PDE8A: variants seen among roughly 807,000 people sequenced by gnomAD.
PDE8A encodes the protein high affinity cAMP-specific and IBMX-insensitive 3',5'-cyclic phosphodiesterase 8A.
In PDE8A, 59 loss-of-function variants were observed where a neutral mutation model predicts 105.0. That is an observed-to-expected ratio of 0.56 (90% CI 0.46 to 0.70). The LOEUF (loss-of-function observed/expected upper bound fraction) is 0.70. Ranked by LOEUF, PDE8A falls within the 30% of genes least tolerant of loss-of-function variation. The pLI, the probability that PDE8A is intolerant of heterozygous loss-of-function variation, is 0.00. For synonymous variants in PDE8A, 355 were observed against 371.9 expected, an observed-to-expected ratio of 0.95 and a Z score of 0.52; for missense variants, 1,014 against 1,045.9, an observed-to-expected ratio of 0.97 and a Z score of 0.42.
At position 85,123,177 on chromosome 15, in the gene PDE8A, C is replaced by A; in HGVS notation, c.2069C>A (p.Thr690Lys). The change falls in exon 19 of 22, where the codon ACA (threonine) becomes AAA (lysine). Residue 690 changes from threonine (T) to lysine (K), a missense_variant. Transcript: ENST00000394553. Reference protein sequence around the residue: ...FVNSINKPLATLEENGETDKN... With the variant: ...FVNSINKPLAKLEENGETDKN... Reference sequence around the variant, plus strand: ...AACAGCATCAACAAACCCTTGGCAACACTAGAAGAAAATGGGGTAAGGGAA... The same window carrying A: ...AACAGCATCAACAAACCCTTGGCAAAACTAGAAGAAAATGGGGTAAGGGAA... The A allele has an allele frequency of 6.2e-7, 1 of 1,614,000 alleles. No individual in the cohort carries two copies. Among genetic ancestry groups the A allele is most frequent in the Non-Finnish European group, 8.5e-7 (1 of 1,179,938 alleles).
At chr15:84,988,413 C>T (rs914567024) in intron 1 of PDE8A, among the ~76,000 whole-genome samples, 1 of 152,188 alleles carries the variant, frequency 6.6e-6, no homozygotes, top group Non-Finnish European at 1.5e-5. Flanking sequence ...ACCTTAGGTT[C>T]CTGTGTTTGA....
At chr15:84,992,391 G>A (rs1264639447) in intron 1 of PDE8A, among the ~76,000 whole-genome samples, 1 of 152,166 alleles carries the variant, frequency 6.6e-6, no homozygotes, top group Admixed American at 6.5e-5. Context: ...TTGGGTGCAT[G>A]TTCCAATTAT....
chr15:85,081,440 C>G (rs1337474696), intron 5 of PDE8A, among the ~76,000 whole-genome samples: 1 of 152,154 alleles, frequency 6.6e-6, no homozygotes, highest in Non-Finnish European at 1.5e-5. Context: ...GAGTTGAGAA[C>G]CACTGGGAGA....
chr15:85,077,324 GT>G (rs1371523103), intron 5 of PDE8A, among the ~76,000 whole-genome samples: 2 of 152,124 alleles, frequency 1.3e-5, no homozygotes, highest in Admixed American at 1.3e-4. Context: ...AAGCCAAAAG[GT>G]TGCTTGGGGC....
chr15:84,999,049 G>C (rs1175712232), intron 1 of PDE8A, among the ~76,000 whole-genome samples: 1 of 149,832 alleles, frequency 6.7e-6, no homozygotes, highest in East Asian at 2.0e-4. Flanking sequence ...CTCCATAGTA[G>C]GTATTCTCTT....
Position 85,109,080 on chromosome 15 carries a change from G to C in PDE8A, c.1064G>C (p.Arg355Thr). The C allele has an allele frequency of 6.2e-7, 1 of 1,610,854 alleles. No individual in the cohort carries two copies. Among genetic ancestry groups the C allele is most frequent in the Non-Finnish European group, 8.5e-7 (1 of 1,177,496 alleles). Residue 355 changes from arginine (R) to threonine (T), a missense_variant, in exon 12 of 22, where the codon AGG becomes ACG. Coordinates refer to ENST00000394553, the MANE Select transcript of PDE8A (RefSeq NM_002605.3). ...AATCAGACAGGCAAACATAAAGACA[G>C]GAGAAAAGGCTCACTAGACGTCAAA... is the stretch of plus-strand genomic sequence containing the variant. Reference protein sequence around the residue: ...TDNQTGKHKDRRKGSLDVKAV... With the variant: ...TDNQTGKHKDTRKGSLDVKAV...
In PDE8A at chr15:85,121,024, A is replaced by T. The variant is rs998212522; in HGVS notation, c.1952+10A>T. The T allele has an allele frequency of 6.5e-7, 1 of 1,535,178 alleles. No homozygotes were observed. Among genetic ancestry groups the T allele is most frequent in the African/African-American group, 1.4e-5 (1 of 73,312 alleles). ...TTAAAAACATGGAGAGGTAAGAACAATGATTGGGAAGTGTGTTGATCCCTC... is the reference window on the plus strand; with the variant it reads ...TTAAAAACATGGAGAGGTAAGAACATTGATTGGGAAGTGTGTTGATCCCTC... On this transcript the variant is annotated intron_variant, in intron 18 of 21. Coordinates refer to ENST00000394553, the MANE Select transcript of PDE8A (RefSeq NM_002605.3).
chr15:85,051,974 C>T (rs1284004629), intron 1 of PDE8A, among the ~76,000 whole-genome samples: 3 of 151,438 alleles, frequency 2.0e-5, no homozygotes, highest in African/African-American at 7.3e-5. Context: ...CCTCCCCCCT[C>T]CCCACACCCC....
chr15:85,071,083 C>G lies in PDE8A; in HGVS notation c.434+3879C>G, dbSNP rs16974781. On this transcript the variant is annotated intron_variant, in intron 3 of 21. Transcript: ENST00000394553. ...CAAAGATAAGATGATAGGTCAGAAG[C>G]TGAGAGAACAGAAAAGGATAGGAAT... Among the ~76,000 whole-genome samples the G allele has an allele frequency of 4.6e-5, 7 of 152,184 alleles. No individual in the cohort carries two copies. In the East Asian group the frequency reaches 9.6e-4, roughly 21 times the overall value.
chr15:85,120,638 G>C lies in PDE8A; in HGVS notation c.1735-159G>C, dbSNP rs16974898. Reference sequence around the variant, plus strand: ...AATATGCAGAAATATAACTGTTTCAGGGTGGAGATAGGAAAACTAGATTTG... The same window carrying C: ...AATATGCAGAAATATAACTGTTTCACGGTGGAGATAGGAAAACTAGATTTG... On this transcript the variant is annotated intron_variant, in intron 17 of 21. Transcript: ENST00000394553. 3.2e-3 allele frequency: 1,836 copies of C among 576,712 alleles called. 27 individuals carry two copies. The highest frequency in any genetic ancestry group is 0.031 in the African/African-American group (1,649 of 53,884). The allele number at this position is 576,712 out of a possible 1,614,324, so 35.7% of individuals were successfully genotyped here.
intron 8 of PDE8A, among the ~76,000 whole-genome samples, chr15:85,094,659 A>G (rs1054873985): frequency 5.9e-5 from 9 of 152,134 alleles, no homozygotes; most frequent in African/African-American, 2.2e-4. Context: ...GATTCCTGAA[A>G]TGGTTTTGAT....
intron 1 of PDE8A, among the ~76,000 whole-genome samples, chr15:85,053,326 A>G (rs2081006561): frequency 6.6e-6 from 1 of 152,158 alleles, no homozygotes; most frequent in Non-Finnish European, 1.5e-5. Context: ...TTCCATATGA[A>G]CTTTAAAGTA....
chr15:85,100,329 G>A lies in PDE8A; in HGVS notation c.1036+131G>A. 1.6e-5 allele frequency: 12 copies of A among 767,390 alleles called. 1 individual carries two copies. The South Asian group carries it at 2.1e-4, about 13-fold the overall frequency. 47.5% of individuals were successfully genotyped at this position (767,390 alleles called of 1,614,324 possible). The stretch of plus-strand genomic sequence containing the variant: ...AGACTGTGGCAACATTTCTCTCCTT[G>A]ACTCCCCAGGCTGGCTTATGAGTCA... On this transcript the variant is annotated intron_variant, in intron 11 of 21. Coordinates refer to ENST00000394553, the MANE Select transcript of PDE8A (RefSeq NM_002605.3).
At chr15:85,071,522 T>G (rs2141470951) in intron 3 of PDE8A, among the ~76,000 whole-genome samples, 1 of 152,326 alleles carries the variant, frequency 6.6e-6, no homozygotes, top group South Asian at 2.1e-4. Context: ...TACTGCAGTT[T>G]CAAAACAACA....
chr15:85,083,793 C>G, intron 6 of PDE8A, 149 bp downstream of exon 6: 1 of 591,596 alleles, frequency 1.7e-6, no homozygotes, highest in Non-Finnish European at 3.0e-6. Flanking sequence ...TACAGACTTT[C>G]TGGAGTCTGC....
intron 1 of PDE8A, among the ~76,000 whole-genome samples, chr15:84,989,871 G>A (rs1177732011): frequency 6.6e-6 from 1 of 152,126 alleles, no homozygotes; most frequent in African/African-American, 2.4e-5. Context: ...AAAGTTGAGA[G>A]AATTATGCAC....
chr15:84,996,619 G>A (rs964291644), intron 1 of PDE8A, among the ~76,000 whole-genome samples: 7 of 152,020 alleles, frequency 4.6e-5, no homozygotes, highest in Non-Finnish European at 1.0e-4. Context: ...GAGGTCGTAA[G>A]TTCAAGACCA....
chr15:85,105,138 C>A (rs1035923660), intron 11 of PDE8A, among the ~76,000 whole-genome samples: 1 of 152,038 alleles, frequency 6.6e-6, no homozygotes, highest in African/African-American at 2.4e-5. Flanking sequence ...TGGAATGGAA[C>A]CCAGGCCTCA....
intron 1 of PDE8A, among the ~76,000 whole-genome samples, chr15:85,049,294 A>G (rs1300471093): frequency 6.6e-6 from 1 of 152,070 alleles, no homozygotes; most frequent in Non-Finnish European, 1.5e-5. Context: ...TATCTCCAGA[A>G]CTCTTTTCAT....
Sources: gnomAD v4.1 joint callset for allele counts (sites outside exome capture counted in the v4.1 genomes callset) on GRCh38, gnomAD v4.1.1 for gene constraint, MANE v1.5 for transcripts, NCBI Gene and HGNC (gene_info 2026-07-23, HGNC 2026-07-21) for gene names.